The following HYAL4 variants were observed in gnomAD, a reference collection of about 807,000 sequenced individuals.
The protein encoded by HYAL4 is hyaluronidase 4.
HYAL4 carries 37 observed loss-of-function variants against 35.2 expected under a neutral mutation model. That is an observed-to-expected ratio of 1.05 (90% CI 0.81 to 1.38). HYAL4 has a LOEUF of 1.38. Among genes scored for constraint, HYAL4 ranks in the 40% most tolerant of loss-of-function variants. The probability of loss-of-function intolerance (pLI) is 0.00; values close to 1 mark genes in which losing one functional copy is unlikely to be tolerated. For missense variants in HYAL4, 572 were observed against 572.4 expected (o/e 1.00, Z 0.01); for synonymous variants, 198 against 203.2 (o/e 0.97, Z 0.22).
the HYAL4 span, among the ~76,000 whole-genome samples, chr7:123,772,545 G>A: frequency 6.6e-6 from 1 of 152,108 alleles, no homozygotes; most frequent in Admixed American, 6.6e-5. Context: ...TTTCAAACGT[G>A]GAGACTAAAG....
intron 2 of HYAL4, among the ~76,000 whole-genome samples, chr7:123,862,731 A>G (rs1806601915): frequency 6.6e-6 from 1 of 152,218 alleles, no homozygotes. Context: ...GATTATTGCA[A>G]GAGCTTTTTA....
At chr7:123,782,043 G>C in the HYAL4 span, among the ~76,000 whole-genome samples, 3 of 151,068 alleles carry the variant, frequency 2.0e-5, no homozygotes, top group African/African-American at 7.3e-5. Context: ...GAGTAGTTAA[G>C]ACTATAGGCA....
At chr7:123,797,165 A>C in the HYAL4 span, among the ~76,000 whole-genome samples, 3 of 152,238 alleles carry the variant, frequency 2.0e-5, no homozygotes, top group African/African-American at 7.2e-5. Flanking sequence ...AAGGTTAAAA[A>C]GAAGCCTGGC....
chr7:123,787,109 A>G, the HYAL4 span, among the ~76,000 whole-genome samples: 3 of 132,892 alleles, frequency 2.3e-5, no homozygotes, highest in African/African-American at 9.5e-5. Context: ...CTCTGTCTCA[A>G]AAAAAAAAAA....
upstream of HYAL4, among the ~76,000 whole-genome samples, chr7:123,824,488 C>A (rs1230912653): frequency 6.6e-6 from 1 of 152,068 alleles, no homozygotes; most frequent in Non-Finnish European, 1.5e-5. Flanking sequence ...CCTTTTGATA[C>A]GGCTGCCATT....
intron 2 of HYAL4, among the ~76,000 whole-genome samples, chr7:123,849,858 C>T (rs1806262273): frequency 6.6e-6 from 1 of 151,270 alleles, no homozygotes; most frequent in Admixed American, 6.6e-5. Context: ...TGGAGCCAGA[C>T]TCTCTCACAA....
At chr7:123,797,280 TTC>T in the HYAL4 span, among the ~76,000 whole-genome samples, 1 of 152,228 alleles carries the variant, frequency 6.6e-6, no homozygotes, top group Non-Finnish European at 1.5e-5. Flanking sequence ...AGAAAAGGTC[TTC>T]TATTCTCTCA....
At chr7:123,794,904 A>G in the HYAL4 span, among the ~76,000 whole-genome samples, 414 of 152,270 alleles carry the variant, frequency 2.7e-3, no homozygotes, top group African/African-American at 9.4e-3. Flanking sequence ...AGATCCACTG[A>G]TAGCTTGCAC....
In HYAL4 at chr7:123,877,135, T is replaced by C. The variant is rs750869105; in HGVS notation, c.1426T>C (p.Tyr476His). The change falls in exon 5 of 5, where the codon TAT (tyrosine) becomes CAT (histidine). Residue 476 changes from tyrosine to histidine, a missense_variant. Tyr to His is a moderately conservative substitution (Grantham distance 83). Coordinates refer to ENST00000223026, the MANE Select transcript of HYAL4 (RefSeq NM_012269.3). ...ACTTTGTCTACTGCTTTTAGCAAGT[T>C]ATCGAAGCATTCAGTTGTGAGATAA... The part of the protein sequence containing the change: ...MTLCLLLLAS[Y>H]RSIQL The C allele has an allele frequency of 6.8e-6, 11 of 1,613,684 alleles. No homozygotes were observed. The highest frequency in any genetic ancestry group is 1.6e-4 in the Middle Eastern group (1 of 6,082).
chr7:123,825,628 C>T (rs1805794272), upstream of HYAL4, among the ~76,000 whole-genome samples: 2 of 151,818 alleles, frequency 1.3e-5, no homozygotes, highest in African/African-American at 2.4e-5. Flanking sequence ...GACTATGCCC[C>T]AAGAATCAAC....
the HYAL4 span, among the ~76,000 whole-genome samples, chr7:123,823,377 A>G: frequency 6.6e-6 from 1 of 152,124 alleles, no homozygotes; most frequent in African/African-American, 2.4e-5. Flanking sequence ...GGATTTTTGC[A>G]TCCAGTTTCA....
chr7:123,829,483 A>G (rs1285201162), intron 1 of HYAL4, among the ~76,000 whole-genome samples: 2 of 152,188 alleles, frequency 1.3e-5, no homozygotes, highest in Non-Finnish European at 2.9e-5. Flanking sequence ...AAATAAAAAT[A>G]AAAAAGTTAG....
At chr7:123,870,144 C>T (rs1297008138) in intron 3 of HYAL4, among the ~76,000 whole-genome samples, 2 of 152,150 alleles carry the variant, frequency 1.3e-5, no homozygotes, top group African/African-American at 2.4e-5. Flanking sequence ...TTCCTTTCTC[C>T]ACCATTACAA....
At chr7:123,780,936 G>T in the HYAL4 span, among the ~76,000 whole-genome samples, 1 of 90,508 alleles carries the variant, frequency 1.1e-5, no homozygotes, top group Non-Finnish European at 2.2e-5. Context: ...ACTGCGGAAG[G>T]CCGCAGGGAC....
intron 1 of HYAL4, among the ~76,000 whole-genome samples, chr7:123,845,970 AG>A (rs1196443146): frequency 6.6e-6 from 1 of 152,054 alleles, no homozygotes; most frequent in South Asian, 2.1e-4. Context: ...GCTGGCACTG[AG>A]GGTTGTCTGC....
At chr7:123,764,140 G>A in the HYAL4 span, among the ~76,000 whole-genome samples, 2 of 152,048 alleles carry the variant, frequency 1.3e-5, no homozygotes, top group African/African-American at 2.4e-5. Context: ...GCATCACCAC[G>A]CCTGACTAAT....
chr7:123,769,077 T>C, the HYAL4 span, among the ~76,000 whole-genome samples: 8 of 152,370 alleles, frequency 5.3e-5, no homozygotes, highest in East Asian at 1.9e-4. Context: ...TTTAATGATA[T>C]CATCACAGGG....
the HYAL4 span, among the ~76,000 whole-genome samples, chr7:123,818,542 T>G: frequency 6.6e-6 from 1 of 152,182 alleles, no homozygotes; most frequent in African/African-American, 2.4e-5. Flanking sequence ...AATATAAAAA[T>G]TATTATGTTA....
chr7:123,858,311 A>T (rs2116941073), intron 2 of HYAL4, among the ~76,000 whole-genome samples: 1 of 152,300 alleles, frequency 6.6e-6, no homozygotes, highest in African/African-American at 2.4e-5. Context: ...AGATTGCTTA[A>T]TTTGATGGGC....
Sources: gnomAD v4.1 joint callset for allele counts (sites outside exome capture counted in the v4.1 genomes callset) on GRCh38, gnomAD v4.1.1 for gene constraint, MANE v1.5 for transcripts, NCBI Gene and HGNC (gene_info 2026-07-23, HGNC 2026-07-21) for gene names.